The following SELENBP1 variants were observed in gnomAD, a reference collection of about 807,000 sequenced individuals.
The protein encoded by SELENBP1 is methanethiol oxidase.
A neutral mutation model predicts 61.0 loss-of-function variants in SELENBP1; 71 were observed. The ratio of observed to expected loss-of-function variants is 1.16; its 90% CI spans 0.96 to 1.42. SELENBP1 has a LOEUF of 1.42. Ranked by LOEUF, SELENBP1 falls within the 40% of genes most tolerant of loss-of-function variation. SELENBP1 has a pLI of 0.00. For synonymous variants in SELENBP1, 270 were observed against 238.9 expected (o/e 1.13, Z -1.20); for missense variants, 561 against 605.0 (o/e 0.93, Z 0.76).
intron 2 of SELENBP1, 48 bp from the exon 3 acceptor site, chr1:151,369,602 G>C: frequency 6.4e-7 from 1 of 1,562,036 alleles, no homozygotes; most frequent in East Asian, 2.3e-5. Context: ...GGGAAGGAAA[G>C]GTAGGGGAAG....
At chr1:151,370,043 G>C in intron 1 of SELENBP1, 1 of 1,416,928 alleles carries the variant, frequency 7.1e-7, no homozygotes. Flanking sequence ...TGCAGCCGGG[G>C]TCGTGTGGTG....
chr1:151,364,639 G>T lies in SELENBP1; in HGVS notation c.1323C>A (p.Asn441Lys), dbSNP rs1363033403. ...GCTCCTTCCCGAAGTCCACCAGGAA[G>T]TTGGGGTTCAACTTCAGCCCTCCTT... is the stretch of plus-strand genomic sequence containing the variant. ...TVKGGLKLNP[N>K]FLVDFGKEPL... is the part of the protein sequence containing the mutation. The change falls in exon 12 of 12, where the codon AAC (asparagine) becomes AAA (lysine). Residue 441 changes from asparagine to lysine, a missense_variant. Transcript: ENST00000368868. The T allele has an allele frequency of 6.2e-7, 1 of 1,613,216 alleles. No homozygotes were observed. Among genetic ancestry groups the T allele is most frequent in the African/African-American group, 1.3e-5 (1 of 74,908 alleles).
At chr1:151,367,780 CA>C (rs1651931277) in intron 5 of SELENBP1, among the ~76,000 whole-genome samples, 2 of 152,182 alleles carry the variant, frequency 1.3e-5, no homozygotes, top group African/African-American at 4.8e-5. Context: ...TGTACCACCA[CA>C]CCCAGCTAAT....
In SELENBP1 at chr1:151,365,806, G is replaced by A. The variant is rs781731476; in HGVS notation, c.884C>T (p.Pro295Leu). 6.2e-7 allele frequency: 1 copy of A among 1,614,126 alleles called. No homozygotes were observed. Among genetic ancestry groups the A allele is most frequent in the Non-Finnish European group, 8.5e-7 (1 of 1,180,024 alleles). The part of the protein sequence containing the change: ...WSVEKVIQVP[P>L]KKVKGWLLPE... ...CAGCAGCCAGCCCTTCACTTTCTTG[G>A]GGGGCACCTGGATCACCTTCTCCAC... The change falls in exon 8 of 12, where the codon CCC becomes CTC. Residue 295 changes from proline (P) to leucine (L), a missense_variant. Pro to Leu is a moderately conservative substitution (Grantham distance 98). Transcript: ENST00000368868.
intron 10 of SELENBP1, 67 bp from the exon 11 acceptor site, chr1:151,365,111 A>G: frequency 6.3e-7 from 1 of 1,583,304 alleles, no homozygotes; most frequent in African/African-American, 1.3e-5. Context: ...CAACCCCAAG[A>G]GTATGCTCAG....
rs780962379 is a variant in SELENBP1, at chr1:151,365,560, C to T, written c.1044+3G>A. The T allele has an allele frequency of 1.2e-5, 19 of 1,613,998 alleles. No individual in the cohort carries two copies. Among genetic ancestry groups the T allele is most frequent in the Non-Finnish European group, 1.6e-5 (19 of 1,180,014 alleles). ...CTTCTGCTCCTCCTGCCAGGGTCTC[C>T]ACCTGTCCTGTGAGGCGGGGTCTCT... is the stretch of plus-strand genomic sequence containing the variant. On this transcript the variant is annotated splice_donor_region_variant and intron_variant, in intron 9 of 11. Transcript: ENST00000368868.
At position 151,368,327 on chromosome 1, in the gene SELENBP1, G is replaced by A; in HGVS notation, c.361-8C>T. The A allele has an allele frequency of 6.2e-7, 1 of 1,613,918 alleles. No individual in the cohort carries two copies. Among genetic ancestry groups the A allele is most frequent in the Admixed American group, 1.7e-5 (1 of 60,022 alleles). ...GTCCTTGGGCTCAATGACCTGGAAG[G>A]GGTGGGGAATGGTGTCAGAATCATA... is the stretch of plus-strand genomic sequence containing the variant. On this transcript the variant is annotated splice_polypyrimidine_tract_variant and splice_region_variant and intron_variant, in intron 4 of 11. Coordinates refer to ENST00000368868, the MANE Select transcript of SELENBP1 (RefSeq NM_003944.4).
At chr1:151,369,940 A>G (rs1652062815) in intron 1 of SELENBP1, 171 bp from the exon 2 acceptor site, 1 of 1,509,146 alleles carries the variant, frequency 6.6e-7, no homozygotes, top group African/African-American at 1.4e-5. Flanking sequence ...AGCCCTGAGG[A>G]GGGTGAGGTT....
chr1:151,366,496 G>T (rs1466829859), intron 6 of SELENBP1, 43 bp from the exon 7 acceptor site: 2 of 1,593,584 alleles, frequency 1.3e-6, no homozygotes, highest in African/African-American at 2.7e-5. Context: ...AGCATCAGAG[G>T]TTGGAAGGCA....
rs150929136 is a variant in SELENBP1 at position 151,366,647 on chromosome 1, G to A, written c.664+75C>T. On this transcript the variant is annotated intron_variant, in intron 6 of 11. Coordinates refer to ENST00000368868, the MANE Select transcript of SELENBP1 (RefSeq NM_003944.4). Reference sequence around the variant, plus strand: ...TCTGGGGCCACAGGAGGGAAGTGTGGGGGTGGGAGATTTGGAGCAGAAAGC... The same window carrying A: ...TCTGGGGCCACAGGAGGGAAGTGTGAGGGTGGGAGATTTGGAGCAGAAAGC... 4.6e-5 allele frequency: 71 copies of A among 1,542,814 alleles called. 1 individual carries two copies. The East Asian group carries it at 5.2e-4, about 11-fold the overall frequency.
At position 151,368,890 on chromosome 1, in the gene SELENBP1, A is replaced by G. The variant is rs572710028; in HGVS notation, c.360+114T>C. ...CAACCTCCCTCCCTGCTGCCGAGCC[A>G]GTTGCCGCGTAAGAGCTGGAGGCTG... On this transcript the variant is annotated intron_variant, in intron 4 of 11. Coordinates refer to ENST00000368868, the MANE Select transcript of SELENBP1 (RefSeq NM_003944.4). 9.7e-6 allele frequency: 11 copies of G among 1,129,232 alleles called. No individual in the cohort carries two copies. In the Admixed American group the frequency reaches 2.3e-4, roughly 24 times the overall value. The allele number at this position is 1,129,232 out of a possible 1,614,324, so 70.0% of individuals were successfully genotyped here. A position where few individuals can be genotyped will look rare whatever the true frequency, so the allele number is the denominator to read the frequency against.
intron 9 of SELENBP1, 123 bp downstream of exon 9, chr1:151,365,440 A>G: frequency 6.5e-7 from 1 of 1,535,126 alleles, no homozygotes; most frequent in Non-Finnish European, 8.9e-7. Context: ...GTCCCACAGC[A>G]CACATGTCTG....
At chr1:151,368,374 T>C (rs1186895604) in intron 4 of SELENBP1, 55 bp from the exon 5 acceptor site, 12 of 1,593,240 alleles carry the variant, frequency 7.5e-6, no homozygotes, top group Non-Finnish European at 1.0e-5. Context: ...GTCCCTGCTC[T>C]TAACCTCCAT....
Position 151,369,475 on chromosome 1 carries a change from C to G in SELENBP1, c.141G>C (p.Val47=). Residue 47 remains valine, a synonymous_variant, in exon 3 of 12, where the codon GTG becomes GTC. Coordinates refer to ENST00000368868, the MANE Select transcript of SELENBP1 (RefSeq NM_003944.4). ...GTEAPDYLAT[V]DVDPKSPQYC... is the part of the protein sequence containing the mutation. Reference sequence around the variant, plus strand: ...ACTGGGGAGACTTGGGGTCAACATCCACAGTGGCCAGATAATCTGGGGCCT... The same window carrying G: ...ACTGGGGAGACTTGGGGTCAACATCGACAGTGGCCAGATAATCTGGGGCCT... 6.2e-7 allele frequency: 1 copy of G among 1,613,042 alleles called. No individual in the cohort carries two copies.
In SELENBP1 at chr1:151,365,332, C is replaced by T. The variant is rs766725898; in HGVS notation, c.1045-51G>A. On this transcript the variant is annotated intron_variant, in intron 9 of 11. Transcript: ENST00000368868. ...GGAGGACCATAGTGGGAGGCGCAAA[C>T]ATTGCAGGAAGAGCAGCTTGCCTGG... 3.2e-6 allele frequency: 5 copies of T among 1,564,876 alleles called. No homozygotes were observed. In the African/African-American group the frequency reaches 4.1e-5, roughly 13 times the overall value.
In SELENBP1 at chr1:151,369,518, T is replaced by C; in HGVS notation, c.98A>G (p.Tyr33Cys). The C allele has an allele frequency of 6.2e-7, 1 of 1,611,452 alleles. No individual in the cohort carries two copies. The highest frequency in any genetic ancestry group is 8.5e-7 in the Non-Finnish European group (1 of 1,179,108). Residue 33 changes from tyrosine (Y) to cysteine (C), a missense_variant, in exon 3 of 12, where the codon TAC (tyrosine) becomes TGC (cysteine). Tyr to Cys is a radical substitution (Grantham distance 194). Coordinates refer to ENST00000368868, the MANE Select transcript of SELENBP1 (RefSeq NM_003944.4). ...TGGGGCCTCAGTGCCTGTGTTTCGG[T>C]AAATGCAGGGCAGGTAGACGATCTC... ...REEIVYLPCI[Y>C]RNTGTEAPDY...
At chr1:151,368,806 T>C (rs1242813882) in intron 4 of SELENBP1, among the ~76,000 whole-genome samples, 198 bp downstream of exon 4, 1 of 152,234 alleles carries the variant, frequency 6.6e-6, no homozygotes, top group East Asian at 1.9e-4. Flanking sequence ...TCCCATGCCC[T>C]GGTCACCGTG....
At chr1:151,369,687 C>G (rs1652047624) in intron 2 of SELENBP1, 26 bp downstream of exon 2, 1 of 1,549,596 alleles carries the variant, frequency 6.5e-7, no homozygotes, top group Non-Finnish European at 8.7e-7. Context: ...TAGTAGGGCG[C>G]TGGCTCTCAG....
Position 151,365,635 on chromosome 1 carries a change from G to T in SELENBP1, c.972C>A (p.Phe324Leu). 4 of 1,614,212 alleles carry T rather than the reference G, an allele frequency of 2.5e-6. No individual in the cohort carries two copies. Among genetic ancestry groups the T allele is most frequent in the Non-Finnish European group, 3.4e-6 (4 of 1,180,036 alleles). ...TCAGGTCCCCATGCAGCCAGTTGCT[G>T]AAGTAGAGGAAGCGGTCGTCCAGGG... Reference protein sequence around the residue: ...LLSLDDRFLYFSNWLHGDLRQ... With the variant: ...LLSLDDRFLYLSNWLHGDLRQ... Residue 324 changes from phenylalanine (F) to leucine (L), a missense_variant, in exon 9 of 12, where the codon TTC (phenylalanine) becomes TTA (leucine). By Grantham distance (22) the Phe-to-Leu change is conservative. Transcript: ENST00000368868.
Sources: allele counts gnomAD v4.1 joint callset (sites outside exome capture counted in the v4.1 genomes callset), GRCh38; gene constraint gnomAD v4.1.1; transcripts MANE v1.5; gene names NCBI Gene and HGNC (gene_info 2026-07-23, HGNC 2026-07-21).